Variants in CSNK2A2IP observed in about 807,000 individuals in gnomAD.
The protein encoded by CSNK2A2IP is casein kinase 2 subunit alpha' interacting protein, also known as casein kinase II subunit alpha'-interacting protein.
chr3:88,418,778 G>T, the CSNK2A2IP span, among the ~76,000 whole-genome samples: 1 of 152,098 alleles, frequency 6.6e-6, no homozygotes, highest in Admixed American at 6.6e-5. Context: ...TTACCTGATA[G>T]GTCAAGGGTC....
the CSNK2A2IP span, among the ~76,000 whole-genome samples, chr3:88,405,572 C>A: frequency 6.6e-6 from 1 of 152,112 alleles, no homozygotes; most frequent in African/African-American, 2.4e-5. Context: ...TTGGGTTAGG[C>A]CTAGGAATAA....
At chr3:88,431,673 C>A in the CSNK2A2IP span, among the ~76,000 whole-genome samples, 1 of 152,006 alleles carries the variant, frequency 6.6e-6, no homozygotes, top group African/African-American at 2.4e-5. Flanking sequence ...AAGTTAGAAG[C>A]CATTACATAA....
At chr3:88,384,342 T>G in the CSNK2A2IP span, among the ~76,000 whole-genome samples, 1 of 148,680 alleles carries the variant, frequency 6.7e-6, no homozygotes, top group African/African-American at 2.5e-5. Context: ...TCTCTCTCTC[T>G]CCTTTCTTTT....
At chr3:88,441,380 G>A in the CSNK2A2IP span, among the ~76,000 whole-genome samples, 2 of 151,982 alleles carry the variant, frequency 1.3e-5, no homozygotes, top group African/African-American at 4.8e-5. Flanking sequence ...AAGAAACATA[G>A]GGATTAAATT....
At chr3:88,389,142 G>T in the CSNK2A2IP span, among the ~76,000 whole-genome samples, 1 of 151,866 alleles carries the variant, frequency 6.6e-6, no homozygotes, top group Non-Finnish European at 1.5e-5. Flanking sequence ...CAATAAGAGA[G>T]CACCAAATAG....
At chr3:88,455,611 G>A in the CSNK2A2IP span, among the ~76,000 whole-genome samples, 1 of 151,476 alleles carries the variant, frequency 6.6e-6, no homozygotes, top group East Asian at 1.9e-4. Flanking sequence ...ACTATTTATC[G>A]GATATATGGT....
the CSNK2A2IP span, among the ~76,000 whole-genome samples, chr3:88,415,351 T>C: frequency 1.3e-5 from 2 of 152,048 alleles, no homozygotes; most frequent in Non-Finnish European, 2.9e-5. Flanking sequence ...TAGAATTATT[T>C]GAGGGTGTCT....
At chr3:88,443,686 T>C in the CSNK2A2IP span, among the ~76,000 whole-genome samples, 1 of 152,174 alleles carries the variant, frequency 6.6e-6, no homozygotes, top group African/African-American at 2.4e-5. Flanking sequence ...TCAGTGGGTG[T>C]AGACTGCAGG....
At chr3:88,449,870 T>TAGAGAGAG in the CSNK2A2IP span, among the ~76,000 whole-genome samples, 15 of 81,798 alleles carry the variant, frequency 1.8e-4, no homozygotes, top group East Asian at 4.8e-3. Flanking sequence ...TATATATATA[T>TAGAGAGAG]ATATAGAGAG....
the CSNK2A2IP span, among the ~76,000 whole-genome samples, chr3:88,425,804 A>T: frequency 6.6e-6 from 1 of 152,080 alleles, no homozygotes; most frequent in East Asian, 1.9e-4. Context: ...CACCAAGATT[A>T]TTTGGTAGAA....
At chr3:88,419,203 C>T in the CSNK2A2IP span, among the ~76,000 whole-genome samples, 118 of 152,208 alleles carry the variant, frequency 7.8e-4, 1 homozygote, top group Admixed American at 1.4e-3. Context: ...ATGTAATGTG[C>T]TTGAATCATC....
chr3:88,361,276 G>A, the CSNK2A2IP span, among the ~76,000 whole-genome samples: 1 of 152,104 alleles, frequency 6.6e-6, no homozygotes, highest in Non-Finnish European at 1.5e-5. Flanking sequence ...ACACCTTTTA[G>A]CATTTCTTGT....
At chr3:88,451,747 A>T in the CSNK2A2IP span, among the ~76,000 whole-genome samples, 6 of 137,638 alleles carry the variant, frequency 4.4e-5, no homozygotes, top group African/African-American at 1.1e-4. Flanking sequence ...TTTTTTTACC[A>T]CTTTCTACTT....
the CSNK2A2IP span, among the ~76,000 whole-genome samples, chr3:88,390,041 T>G: frequency 6.6e-6 from 1 of 152,080 alleles, no homozygotes; most frequent in Non-Finnish European, 1.5e-5. Flanking sequence ...AATCAGAGAA[T>G]AGGCTTAGCT....
the CSNK2A2IP span, chr3:88,465,538 A>G: frequency 1.3e-5 from 16 of 1,231,616 alleles, no homozygotes; most frequent in Non-Finnish European, 1.5e-5. Flanking sequence ...ACTGGGCTCC[A>G]ATAAGAAGGT....
the CSNK2A2IP span, among the ~76,000 whole-genome samples, chr3:88,351,664 A>G: frequency 7.2e-5 from 11 of 152,216 alleles, no homozygotes; most frequent in Middle Eastern, 6.8e-3. Context: ...AAATATTATG[A>G]TCTATTAAAT....
the CSNK2A2IP span, among the ~76,000 whole-genome samples, chr3:88,377,414 G>A: frequency 4.0e-5 from 6 of 151,496 alleles, no homozygotes; most frequent in East Asian, 9.7e-4. Flanking sequence ...ACATTTGTCT[G>A]CTTCTCTACA....
At chr3:88,442,029 G>A in the CSNK2A2IP span, among the ~76,000 whole-genome samples, 2 of 152,060 alleles carry the variant, frequency 1.3e-5, no homozygotes, top group African/African-American at 4.8e-5. Flanking sequence ...TTTAAAAAAT[G>A]AATAGCTTTA....
At chr3:88,425,715 T>C in the CSNK2A2IP span, among the ~76,000 whole-genome samples, 1 of 152,136 alleles carries the variant, frequency 6.6e-6, no homozygotes, top group East Asian at 1.9e-4. Context: ...TAATAAGCAT[T>C]GGTATAACTT....
Sources: allele counts gnomAD v4.1 joint callset (sites outside exome capture counted in the v4.1 genomes callset), GRCh38; gene constraint gnomAD v4.1.1; transcripts MANE v1.5; gene names NCBI Gene and HGNC (gene_info 2026-07-23, HGNC 2026-07-21).